The following TBL1X variants were observed in gnomAD, a reference collection of about 807,000 sequenced individuals.
TBL1X encodes the protein F-box-like/WD repeat-containing protein TBL1X.
A neutral mutation model predicts 50.7 loss-of-function variants in TBL1X; 10 were observed. The ratio of observed to expected loss-of-function variants is 0.20; its 90% CI spans 0.12 to 0.33. The LOEUF (loss-of-function observed/expected upper bound fraction) is 0.33, where lower values mean the gene tolerates loss of function less well. Among genes scored for constraint, TBL1X ranks in the 10% least tolerant of loss-of-function variants. The probability of loss-of-function intolerance (pLI) is 1.00; values close to 1 mark genes in which losing one functional copy is unlikely to be tolerated. For synonymous variants in TBL1X, 190 were observed against 214.7 expected, an observed-to-expected ratio of 0.88 and a Z score of 1.01; for missense variants, 340 against 504.4, an observed-to-expected ratio of 0.67 and a Z score of 3.12.
intron 2 of TBL1X, among the ~76,000 whole-genome samples, chrX:9,587,651 T>A (rs1396115605): frequency 9.0e-6 from 1 of 111,391 alleles, no homozygotes; most frequent in Non-Finnish European, 1.9e-5. Flanking sequence ...ATTGAGATGC[T>A]GTGCACAGCC....
At chrX:9,554,582 C>G (rs1458161967) in intron 2 of TBL1X, among the ~76,000 whole-genome samples, 2 of 112,101 alleles carry the variant, frequency 1.8e-5, no homozygotes, top group African/African-American at 3.2e-5. Flanking sequence ...CTCGCAGATC[C>G]CAGAGCAAAT....
At chrX:9,701,373 C>T (rs898346449) in intron 12 of TBL1X, among the ~76,000 whole-genome samples, 1 of 109,267 alleles carries the variant, frequency 9.2e-6, no homozygotes, top group Non-Finnish European at 1.9e-5. Flanking sequence ...AGCCCTCTTA[C>T]CGGCCATTCA....
intron 2 of TBL1X, among the ~76,000 whole-genome samples, chrX:9,531,431 G>T (rs2082161372): frequency 1.0e-5 from 1 of 100,323 alleles, no homozygotes; most frequent in Non-Finnish European, 2.0e-5. Context: ...GGGTTTTTTT[G>T]CCTTATATTT....
chrX:9,683,561 C>T (rs1233551066), intron 5 of TBL1X, among the ~76,000 whole-genome samples: 1 of 111,564 alleles, frequency 9.0e-6, no homozygotes, highest in African/African-American at 3.3e-5. Context: ...GCCAGGAGGA[C>T]TCAGGGTCAG....
intron 2 of TBL1X, among the ~76,000 whole-genome samples, chrX:9,562,133 A>T (rs1307770976): frequency 8.9e-6 from 1 of 112,307 alleles, no homozygotes; most frequent in Non-Finnish European, 1.9e-5. Context: ...CTCTGAACAA[A>T]AAACTGATTG....
At chrX:9,495,654 C>T (rs2081967581) in intron 1 of TBL1X, among the ~76,000 whole-genome samples, 1 of 111,388 alleles carries the variant, frequency 9.0e-6, no homozygotes, top group Admixed American at 9.6e-5. Flanking sequence ...ATTGCACTCA[C>T]GCCAACAGCA....
intron 2 of TBL1X, among the ~76,000 whole-genome samples, chrX:9,593,358 C>T: frequency 9.1e-6 from 1 of 110,137 alleles, no homozygotes; most frequent in Non-Finnish European, 1.9e-5. Context: ...GCTGATATCG[C>T]ACCACTGCAC....
intron 1 of TBL1X, among the ~76,000 whole-genome samples, chrX:9,499,984 A>T (rs767167003): frequency 9.2e-6 from 1 of 108,768 alleles, no homozygotes; most frequent in South Asian, 4.0e-4. Context: ...GTCTCCAAAA[A>T]AAAAAAAGAA....
At chrX:9,589,367 C>G (rs1428281632) in intron 2 of TBL1X, among the ~76,000 whole-genome samples, 1 of 108,800 alleles carries the variant, frequency 9.2e-6, no homozygotes, top group African/African-American at 3.4e-5. Flanking sequence ...CCTGCCTCCT[C>G]CAGCTCTTGG....
intron 13 of TBL1X, among the ~76,000 whole-genome samples, chrX:9,706,024 TG>T (rs945730873): frequency 2.8e-5 from 3 of 106,851 alleles, no homozygotes; most frequent in Non-Finnish European, 5.8e-5. Flanking sequence ...GTGGGAGGAG[TG>T]GGGGGGGTGT....
chrX:9,509,215 G>A (rs1357174960), intron 2 of TBL1X, among the ~76,000 whole-genome samples: 11 of 106,465 alleles, frequency 1.0e-4, no homozygotes, highest in East Asian at 3.0e-4. Context: ...GTGAAACACC[G>A]TCTCTACTAA....
chrX:9,713,757 A>G (rs2083262932), intron 16 of TBL1X, among the ~76,000 whole-genome samples: 1 of 109,625 alleles, frequency 9.1e-6, no homozygotes, highest in Admixed American at 9.8e-5. Context: ...TCTTAAGAGA[A>G]ATCTTAAAGC....
chrX:9,687,927 C>A, intron 6 of TBL1X, 90 bp from the exon 7 acceptor site: 1 of 1,135,876 alleles, frequency 8.8e-7, no homozygotes, highest in South Asian at 2.2e-5. Context: ...CGCCCCACTT[C>A]CCTGCGCTTC....
intron 2 of TBL1X, among the ~76,000 whole-genome samples, chrX:9,595,634 A>G (rs142797238): frequency 8.9e-6 from 1 of 111,733 alleles, no homozygotes; most frequent in East Asian, 2.8e-4. Flanking sequence ...AACCTTAACT[A>G]TAGCTTGAAT....
At chrX:9,567,286 T>C (rs2082356145) in intron 2 of TBL1X, among the ~76,000 whole-genome samples, 1 of 111,343 alleles carries the variant, frequency 9.0e-6, no homozygotes, top group Non-Finnish European at 1.9e-5. Context: ...GCTGGTGCAT[T>C]GGCGTGTCTG....
At chrX:9,591,462 T>G (rs937886177) in intron 2 of TBL1X, among the ~76,000 whole-genome samples, 1 of 112,684 alleles carries the variant, frequency 8.9e-6, no homozygotes, top group Non-Finnish European at 1.9e-5. Context: ...GTTGATATAT[T>G]TAAATTATTG....
chrX:9,576,421 C>T (rs987918803), intron 2 of TBL1X, among the ~76,000 whole-genome samples: 3 of 112,379 alleles, frequency 2.7e-5, no homozygotes, highest in African/African-American at 9.7e-5. Flanking sequence ...GATGCGCTAA[C>T]GCATATCATT....
intron 2 of TBL1X, among the ~76,000 whole-genome samples, chrX:9,519,201 C>T (rs1268176867): frequency 9.0e-6 from 1 of 111,663 alleles, no homozygotes; most frequent in Admixed American, 9.5e-5. Context: ...GTACAGTTGC[C>T]ACCATATGGT....
chrX:9,683,891 A>G lies in TBL1X; in HGVS notation c.212-152A>G, dbSNP rs1284310744. ...GCCCTTTCCCACCTTACTGAACCCA[A>G]ATCAGAAGCATCCCTGGGCATTCTG... On this transcript the variant is annotated intron_variant, in intron 5 of 17. Coordinates refer to ENST00000645353, the MANE Select transcript of TBL1X (RefSeq NM_005647.4). 4 of 873,548 alleles carry G rather than the reference A, an allele frequency of 4.6e-6. No homozygotes were observed. In the East Asian group the frequency reaches 1.3e-4, roughly 28 times the overall value. 72.0% of individuals were successfully genotyped at this position (873,548 alleles called of 1,213,427 possible).
Sources: allele counts gnomAD v4.1 joint callset (sites outside exome capture counted in the v4.1 genomes callset), GRCh38; gene constraint gnomAD v4.1.1; transcripts MANE v1.5; gene names NCBI Gene and HGNC (gene_info 2026-07-23, HGNC 2026-07-21).